The following PLEKHG1 variants were observed in gnomAD, a reference collection of about 807,000 sequenced individuals.
PLEKHG1 encodes pleckstrin homology domain-containing family G member 1.
In PLEKHG1, 44 loss-of-function variants were observed where a neutral mutation model predicts 100.8. The observed-to-expected ratio is 0.44, with a 90% CI of 0.34 to 0.56. The LOEUF (loss-of-function observed/expected upper bound fraction) is 0.56, where lower values mean the gene tolerates loss of function less well. Ranked by LOEUF, PLEKHG1 falls within the 20% of genes least tolerant of loss-of-function variation. The probability of loss-of-function intolerance (pLI) is 0.01; values close to 1 mark genes in which losing one functional copy is unlikely to be tolerated. For missense variants in PLEKHG1, 1,545 were observed against 1,720.9 expected, an observed-to-expected ratio of 0.90 and a Z score of 1.81; for synonymous variants, 640 against 662.5, an observed-to-expected ratio of 0.97 and a Z score of 0.52.
intron 7 of PLEKHG1, among the ~76,000 whole-genome samples, chr6:150,806,223 C>CTTT (rs58040509): frequency 0.031 from 2,794 of 89,656 alleles, 189 homozygotes; most frequent in African/African-American, 0.06. Context: ...TTCCAGGCTG[C>CTTT]TTTTTTTTTT....
At chr6:150,840,590 G>A in exon 16 of PLEKHG1, 1 of 1,614,204 alleles carries the variant, frequency 6.2e-7, no homozygotes, top group Non-Finnish European at 8.5e-7. Context: ...TGGAAATCAA[G>A]TCAGAAGAAG....
intron 3 of PLEKHG1, among the ~76,000 whole-genome samples, chr6:150,709,575 A>G (rs2128603679): frequency 6.6e-6 from 1 of 152,318 alleles, no homozygotes; most frequent in African/African-American, 2.4e-5. Context: ...TAAATGTCAG[A>G]GACTCCAGAG....
chr6:150,646,323 C>G (rs1778496935), intron 2 of PLEKHG1, among the ~76,000 whole-genome samples: 1 of 150,726 alleles, frequency 6.6e-6, no homozygotes, highest in Non-Finnish European at 1.5e-5. Context: ...TCTCGGTGGC[C>G]CTGATTGGTC....
intron 3 of PLEKHG1, among the ~76,000 whole-genome samples, chr6:150,655,010 T>A (rs1169060781): frequency 6.6e-6 from 1 of 152,226 alleles, no homozygotes; most frequent in East Asian, 1.9e-4. Context: ...AAATGATTTT[T>A]AAAAATATGT....
At chr6:150,788,861 G>GCA (rs911028398) in intron 4 of PLEKHG1, among the ~76,000 whole-genome samples, 53 of 151,986 alleles carry the variant, frequency 3.5e-4, no homozygotes, top group Admixed American at 2.7e-3. Flanking sequence ...GAGTGTGTGT[G>GCA]CACACACACA....
intron 3 of PLEKHG1, among the ~76,000 whole-genome samples, chr6:150,654,645 T>C (rs1412101662): frequency 6.6e-6 from 1 of 152,260 alleles, no homozygotes. Flanking sequence ...GGCGAAGGCA[T>C]GCTCAAGAAG....
At chr6:150,750,588 G>A (rs887882502) in intron 2 of PLEKHG1, among the ~76,000 whole-genome samples, 3 of 151,538 alleles carry the variant, frequency 2.0e-5, no homozygotes, top group African/African-American at 2.4e-5. Context: ...AGACCATCCC[G>A]GCTAAAACGG....
chr6:150,840,087 A>G lies in PLEKHG1; in HGVS notation c.3349A>G (p.Lys1117Glu), dbSNP rs368267200. 53 of 1,614,186 alleles carry G rather than the reference A, an allele frequency of 3.3e-5. 1 individual carries two copies. The East Asian group carries it at 4.5e-4, about 14-fold the overall frequency. ...ATATCCCACGTTTGAGATCAATACA[A>G]AAAGTACTCCCAGGCAATTGTCCGC... Residue 1117 changes from lysine to glutamate, a missense_variant, in exon 16 of 16, where the codon AAA becomes GAA. Physicochemically the swap from Lys to Glu is moderately conservative, Grantham distance 56. Transcript: ENST00000358517.
At chr6:150,816,913 A>G (rs571794437) in intron 10 of PLEKHG1, among the ~76,000 whole-genome samples, 112 of 152,326 alleles carry the variant, frequency 7.4e-4, no homozygotes, top group Admixed American at 2.8e-3. Flanking sequence ...CCTCGCATGC[A>G]TAATTCACAG....
chr6:150,709,203 G>C (rs745716613), intron 3 of PLEKHG1, among the ~76,000 whole-genome samples: 4 of 152,128 alleles, frequency 2.6e-5, no homozygotes, highest in Non-Finnish European at 4.4e-5. Context: ...CATGGTGGTG[G>C]GAGCCTGTAG....
chr6:150,756,355 G>A (rs1783839973), intron 2 of PLEKHG1, among the ~76,000 whole-genome samples: 1 of 152,122 alleles, frequency 6.6e-6, no homozygotes, highest in Non-Finnish European at 1.5e-5. Context: ...ATTCTTCTGT[G>A]ATGAGATCAA....
chr6:150,750,910 T>G (rs1025223164), intron 2 of PLEKHG1, among the ~76,000 whole-genome samples: 15 of 152,174 alleles, frequency 9.9e-5, no homozygotes, highest in Non-Finnish European at 1.8e-4. Context: ...GCCATTTCCC[T>G]GTTTGACTGG....
rs767537427 is a variant in PLEKHG1 at position 150,819,792 on chromosome 6, A to G, written c.1408+18A>G. The G allele has an allele frequency of 5.0e-6, 7 of 1,407,184 alleles. No individual in the cohort carries two copies. The East Asian group carries it at 1.4e-4, about 27-fold the overall frequency. 87.2% of individuals were successfully genotyped at this position (1,407,184 alleles called of 1,614,324 possible). On this transcript the variant is annotated intron_variant, in intron 12 of 15. Transcript: ENST00000358517. ...AAAATCTGGTAAGTAAGATGTTGTCATAAAAATTTAATTCTAATGGGGGAC... is the reference window on the plus strand; with the variant it reads ...AAAATCTGGTAAGTAAGATGTTGTCGTAAAAATTTAATTCTAATGGGGGAC...
intron 3 of PLEKHG1, among the ~76,000 whole-genome samples, chr6:150,714,744 C>T (rs1455388898): frequency 6.6e-6 from 1 of 152,036 alleles, no homozygotes. Flanking sequence ...CGAAAAATGG[C>T]TTCATTTAAT....
At chr6:150,735,278 GC>G (rs1445461129) in intron 2 of PLEKHG1, among the ~76,000 whole-genome samples, 1 of 149,144 alleles carries the variant, frequency 6.7e-6, no homozygotes, top group Non-Finnish European at 1.5e-5. Context: ...GAGCCACCGT[GC>G]CTGGCCTCAA....
chr6:150,775,002 A>G (rs77603356), intron 3 of PLEKHG1, among the ~76,000 whole-genome samples: 2,655 of 152,194 alleles, frequency 0.017, 61 homozygotes, highest in African/African-American at 0.053. Flanking sequence ...AAAATCTTCC[A>G]TCATGAAATG....
intron 11 of PLEKHG1, among the ~76,000 whole-genome samples, 197 bp from the exon 13 acceptor site, chr6:150,819,482 T>C (rs1776177184): frequency 6.6e-6 from 1 of 151,896 alleles, no homozygotes; most frequent in Non-Finnish European, 1.5e-5. Context: ...GGAGAATCAC[T>C]TGAACTTGGG....
At chr6:150,651,815 T>C (rs1297664825) in intron 3 of PLEKHG1, 1 of 152,000 alleles carries the variant, frequency 6.6e-6, no homozygotes, top group Admixed American at 6.6e-5. Context: ...GCGGAGATTG[T>C]ACCACTGCAC....
At chr6:150,739,748 A>G (rs998930070) in intron 2 of PLEKHG1, among the ~76,000 whole-genome samples, 3 of 152,198 alleles carry the variant, frequency 2.0e-5, no homozygotes, top group African/African-American at 7.2e-5. Context: ...GCATAAGCAT[A>G]TCTTTATGGG....
Sources: gnomAD v4.1 joint callset for allele counts (sites outside exome capture counted in the v4.1 genomes callset) on GRCh38, gnomAD v4.1.1 for gene constraint, MANE v1.5 for transcripts, NCBI Gene and HGNC (gene_info 2026-07-23, HGNC 2026-07-21) for gene names.